The following BORCS5 variants were observed in gnomAD, a reference collection of about 807,000 sequenced individuals.
BORCS5 encodes the protein BLOC-1-related complex subunit 5.
BORCS5 carries 17 observed loss-of-function variants against 22.1 expected under a neutral mutation model. That is an observed-to-expected ratio of 0.77 (90% CI 0.53 to 1.15). The LOEUF is 1.15. Among genes scored for constraint, BORCS5 ranks in the 50% most tolerant of loss-of-function variants. The pLI is 0.00. For synonymous variants in BORCS5, 117 were observed against 99.8 expected, an observed-to-expected ratio of 1.17 and a Z score of -1.03; for missense variants, 247 against 253.2, an observed-to-expected ratio of 0.98 and a Z score of 0.17.
chr12:12,359,982 TAAAG>T (rs1565821522), intron 1 of BORCS5, among the ~76,000 whole-genome samples: 3 of 152,014 alleles, frequency 2.0e-5, no homozygotes, highest in Non-Finnish European at 4.4e-5. Flanking sequence ...GCAGGAGAAT[TAAAG>T]AGAAAGTAAA....
chr12:12,370,645 A>G (rs1022988226), intron 2 of BORCS5, among the ~76,000 whole-genome samples: 13 of 152,054 alleles, frequency 8.5e-5, no homozygotes, highest in South Asian at 4.1e-4. Flanking sequence ...GTCAGCTCCT[A>G]TTTTATCCAA....
intron 3 of BORCS5, among the ~76,000 whole-genome samples, chr12:12,453,174 C>T (rs900678604): frequency 6.6e-6 from 1 of 152,154 alleles, no homozygotes; most frequent in African/African-American, 2.4e-5. Context: ...AATCATTTCA[C>T]TATGTATATG....
Position 12,465,687 on chromosome 12 carries a change from C to T in BORCS5, c.502C>T (p.Pro168Ser), listed in dbSNP as rs746646136. The change falls in exon 4 of 4, where the codon CCC (proline) becomes TCC (serine). Residue 168 changes from proline (P) to serine (S), a missense_variant. By Grantham distance (74) the Pro-to-Ser change is moderately conservative (BLOSUM62 -1). Coordinates refer to ENST00000314565, the MANE Select transcript of BORCS5 (RefSeq NM_058169.6). Reference sequence around the variant, plus strand: ...ACAGATGGGCATCGACCAGACTGTGCCCCTGCTGGACAGGCTCAACAGCAT... The same window carrying T: ...ACAGATGGGCATCGACCAGACTGTGTCCCTGCTGGACAGGCTCAACAGCAT... ...RIQMGIDQTV[P>S]LLDRLNSMLP... is the part of the protein sequence containing the mutation. The T allele has an allele frequency of 1.9e-5, 31 of 1,614,126 alleles. No individual in the cohort carries two copies. Among genetic ancestry groups the T allele is most frequent in the African/African-American group, 9.3e-5 (7 of 74,950 alleles).
At chr12:12,370,188 A>G (rs1384919635) in intron 2 of BORCS5, among the ~76,000 whole-genome samples, 1 of 152,128 alleles carries the variant, frequency 6.6e-6, no homozygotes, top group Non-Finnish European at 1.5e-5. Context: ...GAAAATAACT[A>G]TATATAGAAT....
At chr12:12,418,543 C>T (rs1247229526) in intron 2 of BORCS5, among the ~76,000 whole-genome samples, 2 of 152,100 alleles carry the variant, frequency 1.3e-5, no homozygotes, top group East Asian at 1.9e-4. Flanking sequence ...AAAAATTAGC[C>T]AGGTGTGATA....
intron 2 of BORCS5, 93 bp downstream of exon 2, chr12:12,361,442 T>C: frequency 2.8e-6 from 4 of 1,410,234 alleles, no homozygotes; most frequent in Non-Finnish European, 4.0e-6. Context: ...TCTTGCTCTC[T>C]CATCTCCTTT....
chr12:12,409,022 C>G (rs796808492), intron 2 of BORCS5, among the ~76,000 whole-genome samples: 3 of 152,196 alleles, frequency 2.0e-5, no homozygotes, highest in African/African-American at 7.2e-5. Context: ...ACACCCCTTT[C>G]GCCAGCGGCT....
intron 3 of BORCS5, among the ~76,000 whole-genome samples, chr12:12,450,307 A>G (rs1336231067): frequency 2.6e-5 from 4 of 152,228 alleles, no homozygotes; most frequent in Non-Finnish European, 5.9e-5. Flanking sequence ...TTCCTTTTAC[A>G]GATGAAGATT....
chr12:12,371,128 T>C (rs1863519307), intron 2 of BORCS5, among the ~76,000 whole-genome samples: 1 of 152,200 alleles, frequency 6.6e-6, no homozygotes, highest in African/African-American at 2.4e-5. Context: ...TCCAGACTTA[T>C]TTTGTTCTTC....
intron 2 of BORCS5, among the ~76,000 whole-genome samples, chr12:12,417,297 A>G (rs1471109018): frequency 1.3e-5 from 2 of 152,240 alleles, no homozygotes; most frequent in East Asian, 3.9e-4. Context: ...GTAGATTTCT[A>G]ACTTCATTCT....
chr12:12,396,603 T>C (rs1365648239), intron 2 of BORCS5, among the ~76,000 whole-genome samples: 1 of 152,066 alleles, frequency 6.6e-6, no homozygotes, highest in Non-Finnish European at 1.5e-5. Context: ...TAATGTTTTC[T>C]AGAGGGTACG....
At position 12,378,998 on chromosome 12, in the gene BORCS5, T is replaced by G. The variant is rs79926842; in HGVS notation, c.202+17649T>G. On this transcript the variant is annotated intron_variant, in intron 2 of 3. Coordinates refer to ENST00000314565, the MANE Select transcript of BORCS5 (RefSeq NM_058169.6). Reference sequence around the variant, plus strand: ...TTGAATTTCTGGGCTCAAGGGATCCTCCCACCTTTGCCTCACAAAGTGCTT... The same window carrying G: ...TTGAATTTCTGGGCTCAAGGGATCCGCCCACCTTTGCCTCACAAAGTGCTT... Among the ~76,000 whole-genome samples, 1,447 of 151,352 alleles carry G rather than the reference T, an allele frequency of 9.6e-3. 100 individuals are homozygous for G. In the East Asian group the frequency reaches 0.16, roughly 17 times the overall value.
intron 3 of BORCS5, among the ~76,000 whole-genome samples, chr12:12,458,457 T>G (rs1047946875): frequency 6.6e-6 from 1 of 152,230 alleles, no homozygotes; most frequent in Non-Finnish European, 1.5e-5. Context: ...TCATTTGATA[T>G]ATAGTGAAAT....
At chr12:12,433,953 G>T (rs1349378777) in intron 2 of BORCS5, among the ~76,000 whole-genome samples, 1 of 152,110 alleles carries the variant, frequency 6.6e-6, no homozygotes, top group Non-Finnish European at 1.5e-5. Flanking sequence ...GTGTGGTGTG[G>T]ATGTTGGTGG....
At chr12:12,390,659 A>C (rs560917291) in intron 2 of BORCS5, among the ~76,000 whole-genome samples, 2 of 150,402 alleles carry the variant, frequency 1.3e-5, no homozygotes, top group South Asian at 4.2e-4. Flanking sequence ...AGGTGGATGC[A>C]CCTGTAGCCT....
At chr12:12,396,486 T>C (rs1450167171) in intron 2 of BORCS5, among the ~76,000 whole-genome samples, 2 of 152,124 alleles carry the variant, frequency 1.3e-5, no homozygotes, top group Admixed American at 1.3e-4. Flanking sequence ...GAGGGGCAGG[T>C]GTCTTCCAAA....
rs1419462006 is a variant in BORCS5 at position 12,414,696 on chromosome 12, C to T, written c.203-20932C>T. ...CTGGCCGGGCGGGGGGCTGACCCCCCCCACCTCCCTCCCGGATGGGGTGGC... is the reference window on the plus strand; with the variant it reads ...CTGGCCGGGCGGGGGGCTGACCCCCTCCACCTCCCTCCCGGATGGGGTGGC... On this transcript the variant is annotated intron_variant, in intron 2 of 3. Transcript: ENST00000314565. Among the ~76,000 whole-genome samples, 7 of 127,526 alleles carry T rather than the reference C, an allele frequency of 5.5e-5. 1 individual carries two copies. The highest frequency in any genetic ancestry group is 1.2e-4 in the Non-Finnish European group (7 of 58,642). 83.7% of individuals were successfully genotyped at this position (127,526 alleles called of 152,430 possible).
chr12:12,427,552 C>G (rs1351582780), intron 2 of BORCS5, among the ~76,000 whole-genome samples: 1 of 152,114 alleles, frequency 6.6e-6, no homozygotes, highest in African/African-American at 2.4e-5. Context: ...ATACATATAG[C>G]TTAAGTGCTT....
chr12:12,437,751 CA>C (rs1319971354), intron 3 of BORCS5, among the ~76,000 whole-genome samples: 1 of 152,160 alleles, frequency 6.6e-6, no homozygotes, highest in Non-Finnish European at 1.5e-5. Context: ...CTATTGTAGA[CA>C]TAAGACTTTA....
Sources: gnomAD v4.1 joint callset for allele counts (sites outside exome capture counted in the v4.1 genomes callset) on GRCh38, gnomAD v4.1.1 for gene constraint, MANE v1.5 for transcripts, NCBI Gene and HGNC (gene_info 2026-07-23, HGNC 2026-07-21) for gene names.